The following PEA15 variants were observed in gnomAD, a reference collection of about 807,000 sequenced individuals.
PEA15 encodes proliferation and apoptosis adaptor protein 15, also known as astrocytic phosphoprotein PEA-15.
For synonymous variants in PEA15, 60 were observed against 61.8 expected (o/e 0.97, Z 0.13); for missense variants, 77 against 161.3 (o/e 0.48, Z 2.83).
At position 160,211,613 on chromosome 1, in the gene PEA15, C is replaced by G; in HGVS notation, c.69C>G (p.Leu23=). ...NNITLEDLEQ[L]KSACKEDIPS... ...TCACCCTTGAAGATCTAGAACAGCT[C>G]AAGTCGGCCTGCAAGGAAGACATCC... Residue 23 remains leucine, a synonymous_variant, in exon 2 of 4, where the codon CTC becomes CTG. Transcript: ENST00000360472. The G allele has an allele frequency of 6.2e-7, 1 of 1,614,126 alleles. No individual in the cohort carries two copies. The highest frequency in any genetic ancestry group is 8.5e-7 in the Non-Finnish European group (1 of 1,180,010).
At chr1:160,210,002 T>C (rs1260207287) in intron 1 of PEA15, among the ~76,000 whole-genome samples, 1 of 152,228 alleles carries the variant, frequency 6.6e-6, no homozygotes, top group Non-Finnish European at 1.5e-5. Context: ...TGCCTGTTTC[T>C]TGCGGGGGTC....
intron 1 of PEA15, among the ~76,000 whole-genome samples, chr1:160,210,164 C>T (rs1441041489): frequency 6.6e-6 from 1 of 152,138 alleles, no homozygotes; most frequent in Non-Finnish European, 1.5e-5. Flanking sequence ...AATCTCAGTT[C>T]CCCTGCAGTA....
Position 160,208,514 on chromosome 1 carries a change from GC to G in PEA15, c.-3+2993del. On this transcript the variant is annotated intron_variant, in intron 1 of 3. Transcript: ENST00000360472. This position sits in a 1 kb window ranked among gnomAD's most constrained non-coding sequence, Gnocchi z 4.1. ...TGATCCCTGAGCAGCTCTCTGCACT[GC>G]TCCAGAAATCAGGAGGATTTTTCAG... 8.3e-7 allele frequency: 1 copy of G among 1,209,306 alleles called. No homozygotes were observed. Among genetic ancestry groups the G allele is most frequent in the East Asian group, 2.5e-5 (1 of 39,384 alleles). The allele number at this position is 1,209,306 out of a possible 1,614,324, so 74.9% of individuals were successfully genotyped here.
chr1:160,212,363 G>GT, intron 2 of PEA15, among the ~76,000 whole-genome samples: 1 of 152,246 alleles, frequency 6.6e-6, no homozygotes, highest in East Asian at 1.9e-4. Context: ...TGACTAGGAT[G>GT]TAGGGTGTTT....
At chr1:160,212,480 G>A (rs1242125369) in intron 2 of PEA15, among the ~76,000 whole-genome samples, 1 of 152,070 alleles carries the variant, frequency 6.6e-6, no homozygotes, top group Non-Finnish European at 1.5e-5. Flanking sequence ...TCTGACTGCT[G>A]TGTGGCTGGC....
At chr1:160,212,407 T>A (rs1348616696) in intron 2 of PEA15, among the ~76,000 whole-genome samples, 1 of 152,038 alleles carries the variant, frequency 6.6e-6, no homozygotes, top group Non-Finnish European at 1.5e-5. Flanking sequence ...AAGACTGTGT[T>A]GTAGAGAGCC....
In PEA15 at chr1:160,213,620, G is replaced by GT. The variant is rs1654970444; in HGVS notation, c.*135dup. On this transcript the variant is annotated 3_prime_UTR_variant, in exon 4 of 4. Coordinates refer to ENST00000360472, the MANE Select transcript of PEA15 (RefSeq NM_003768.5). The surrounding 1 kb of genome is among the most constrained non-coding windows in gnomAD (Gnocchi z 5.3). ...TGGTCCTAACCCCCTTACTGTGCGC[G>GT]TGTGTGTGCGTGTGCGCACGCTCTG... 4 of 631,920 alleles carry GT rather than the reference G, an allele frequency of 6.3e-6. No homozygotes were observed. The highest frequency in any genetic ancestry group is 1.1e-5 in the Non-Finnish European group (4 of 357,206). The allele number at this position is 631,920 out of a possible 1,614,324, so 39.1% of individuals were successfully genotyped here. A position where few individuals can be genotyped will look rare whatever the true frequency, so the allele number is the denominator to read the frequency against.
In PEA15 at chr1:160,208,413, T is replaced by A; in HGVS notation, c.-3+2891T>A. On this transcript the variant is annotated intron_variant, in intron 1 of 3. Transcript: ENST00000360472. This position sits in a 1 kb window ranked among gnomAD's most constrained non-coding sequence, Gnocchi z 4.1. Reference sequence around the variant, plus strand: ...CTGGGAGGGAAGAGGACTGACTTCCTGGCAGCCGGGGCTCCGGTTCCTGAT... The same window carrying A: ...CTGGGAGGGAAGAGGACTGACTTCCAGGCAGCCGGGGCTCCGGTTCCTGAT... 1.7e-6 allele frequency: 1 copy of A among 588,892 alleles called. No homozygotes were observed. The highest frequency in any genetic ancestry group is 3.0e-6 in the Non-Finnish European group (1 of 330,642). The allele number at this position is 588,892 out of a possible 1,614,324, so 36.5% of individuals were successfully genotyped here. A position where few individuals can be genotyped will look rare whatever the true frequency, so the allele number is the denominator to read the frequency against.
chr1:160,209,187 C>CA (rs1654741100), intron 1 of PEA15, among the ~76,000 whole-genome samples: 1 of 152,126 alleles, frequency 6.6e-6, no homozygotes, highest in Non-Finnish European at 1.5e-5. Flanking sequence ...GCCATATATC[C>CA]AGTGCTGGCA....
At chr1:160,207,365 G>C (rs1413679515) in intron 1 of PEA15, 1 of 152,342 alleles carries the variant, frequency 6.6e-6, no homozygotes, top group Non-Finnish European at 1.5e-5. Flanking sequence ...ATAGAAGCAG[G>C]GAGTGCCACA....
At chr1:160,212,723 T>C (rs537429387) in intron 2 of PEA15, among the ~76,000 whole-genome samples, 1 of 145,592 alleles carries the variant, frequency 6.9e-6, no homozygotes, top group South Asian at 2.2e-4. Context: ...GTCCTACATG[T>C]GCTGTCAGCA....
At chr1:160,212,762 G>A (rs891413527) in intron 2 of PEA15, among the ~76,000 whole-genome samples, 1 of 144,684 alleles carries the variant, frequency 6.9e-6, no homozygotes, top group Non-Finnish European at 1.5e-5. Flanking sequence ...GATGGAAAGT[G>A]GAAAAGGATG....
intron 2 of PEA15, among the ~76,000 whole-genome samples, chr1:160,212,561 GA>G (rs1654921684): frequency 6.6e-6 from 1 of 152,130 alleles, no homozygotes; most frequent in Non-Finnish European, 1.5e-5. Flanking sequence ...AGGAGCCAGG[GA>G]AGAAGGTCTA....
At chr1:160,212,717 T>C (rs1208065597) in intron 2 of PEA15, among the ~76,000 whole-genome samples, 1 of 145,962 alleles carries the variant, frequency 6.9e-6, no homozygotes, top group Non-Finnish European at 1.5e-5. Flanking sequence ...CTGCTGGTCC[T>C]ACATGTGCTG....
rs888064136 is a variant in PEA15 at position 160,209,793 on chromosome 1, C to A, written c.-2-1750C>A. 3.9e-5 allele frequency among the ~76,000 whole-genome samples: 6 copies of A among 152,300 alleles called. 1 individual carries two copies. Among genetic ancestry groups the A allele is most frequent in the Admixed American group, 3.9e-4 (6 of 15,298 alleles). The stretch of plus-strand genomic sequence containing the variant: ...CCCATCATCCCCCTCACCCGTACCC[C>A]CCTCCTTCTGTCCTTGGATTATCAG... On this transcript the variant is annotated intron_variant, in intron 1 of 3. Coordinates refer to ENST00000360472, the MANE Select transcript of PEA15 (RefSeq NM_003768.5).
chr1:160,211,291 G>C, intron 1 of PEA15: 5 of 1,171,990 alleles, frequency 4.3e-6, no homozygotes, highest in Non-Finnish European at 5.3e-6. Context: ...GAAAACAGAA[G>C]AAAAAGATGG....
Position 160,213,806 on chromosome 1 carries a change from T to C in PEA15, c.*320T>C. On this transcript the variant is annotated 3_prime_UTR_variant, in exon 4 of 4. Coordinates refer to ENST00000360472, the MANE Select transcript of PEA15 (RefSeq NM_003768.5). The surrounding 1 kb of genome is among the most constrained non-coding windows in gnomAD (Gnocchi z 5.3). ...TTCCTCCTACTTCCCTTTCCTCCAC[T>C]CCCCCCATATCTTTAAAGTGTGGAA... is the stretch of plus-strand genomic sequence containing the variant. 1 of 314,660 alleles carries C rather than the reference T, an allele frequency of 3.2e-6. No homozygotes were observed. The highest frequency in any genetic ancestry group is 6.1e-6 in the Non-Finnish European group (1 of 164,968). The allele number at this position is 314,660 out of a possible 1,614,324, so 19.5% of individuals were successfully genotyped here.
In PEA15 at chr1:160,208,606, T is replaced by C. The variant is rs1039136486; in HGVS notation, c.-2-2937T>C. The stretch of plus-strand genomic sequence containing the variant: ...TGAATCTCTGGTGAGGAAAGTGACA[T>C]GGAGGATGAAGGAAACAAGCTCTGC... On this transcript the variant is annotated intron_variant, in intron 1 of 3. Coordinates refer to ENST00000360472, the MANE Select transcript of PEA15 (RefSeq NM_003768.5). The surrounding 1 kb of genome is among the most constrained non-coding windows in gnomAD (Gnocchi z 4.1). 1.3e-5 allele frequency: 20 copies of C among 1,550,312 alleles called. No individual in the cohort carries two copies. Among genetic ancestry groups the C allele is most frequent in the African/African-American group, 6.8e-5 (5 of 73,018 alleles).
intron 1 of PEA15, chr1:160,211,302 TG>T (rs1429284265): frequency 2.5e-6 from 3 of 1,191,118 alleles, no homozygotes; most frequent in African/African-American, 3.2e-5. Context: ...AAAAAGATGG[TG>T]GGGGGAAGGA....
Sources: gnomAD v4.1 joint callset for allele counts (sites outside exome capture counted in the v4.1 genomes callset) on GRCh38, gnomAD v4.1.1 for gene constraint, Gnocchi (gnomAD v3.1) non-coding constraint, MANE v1.5 for transcripts, NCBI Gene and HGNC (gene_info 2026-07-23, HGNC 2026-07-21) for gene names.